The following HCLS1 variants were observed in gnomAD, a reference collection of about 807,000 sequenced individuals.
The protein encoded by HCLS1 is hematopoietic lineage cell-specific protein.
A neutral mutation model predicts 68.6 loss-of-function variants in HCLS1; 44 were observed. The observed-to-expected ratio is 0.64, with a 90% confidence interval of 0.50 to 0.82. HCLS1 has a LOEUF of 0.82. HCLS1 is among the 40% of genes least tolerant of loss of function. The pLI is 0.00. For synonymous variants in HCLS1, 217 were observed against 225.8 expected (o/e 0.96, Z 0.35); for missense variants, 602 against 612.1 (o/e 0.98, Z 0.17).
intron 10 of HCLS1, 81 bp from the exon 11 acceptor site, chr3:121,633,252 G>C: frequency 1.1e-6 from 1 of 908,670 alleles, no homozygotes. Context: ...CTCTCGCTCT[G>C]TAGCCCAGGC....
intron 6 of HCLS1, among the ~76,000 whole-genome samples, chr3:121,642,529 G>A (rs2107467027): frequency 6.6e-6 from 1 of 152,124 alleles, no homozygotes; most frequent in Middle Eastern, 3.4e-3. Flanking sequence ...TGTAATCCCA[G>A]CACTTTGAGA....
At chr3:121,657,784 A>G (rs995857390) in intron 2 of HCLS1, among the ~76,000 whole-genome samples, 2 of 152,100 alleles carry the variant, frequency 1.3e-5, no homozygotes, top group Admixed American at 1.3e-4. Context: ...CTGAGATTGC[A>G]CCACCGTACT....
chr3:121,660,127 G>A (rs1320092432), intron 1 of HCLS1, among the ~76,000 whole-genome samples: 1 of 152,084 alleles, frequency 6.6e-6, no homozygotes, highest in Non-Finnish European at 1.5e-5. Flanking sequence ...AGCCTCTGAG[G>A]GACCATCACA....
At position 121,644,833 on chromosome 3, in the gene HCLS1, C is replaced by G. The variant is rs34440810; in HGVS notation, c.384G>C (p.Arg128Ser). Residue 128 changes from arginine to serine, a missense_variant, in exon 5 of 14, where the codon AGG (arginine) becomes AGC (serine). Transcript: ENST00000314583. The part of the protein sequence containing the change: ...KGFGGKYGVE[R>S]DRADKSAVGF... Reference sequence around the variant, plus strand: ...GGTCACTTACCTTGTCTGCCCTGTCCCTCTCAACTCCGTACTTGCCCCCAA... The same window carrying G: ...GGTCACTTACCTTGTCTGCCCTGTCGCTCTCAACTCCGTACTTGCCCCCAA... 60 of 1,612,606 alleles carry G rather than the reference C, an allele frequency of 3.7e-5. No individual in the cohort carries two copies. Among genetic ancestry groups the G allele is most frequent in the Non-Finnish European group, 4.6e-5 (54 of 1,178,790 alleles).
intron 9 of HCLS1, 117 bp from the exon 10 acceptor site, chr3:121,634,535 C>A: frequency 1.1e-6 from 1 of 938,044 alleles, no homozygotes; most frequent in Non-Finnish European, 1.7e-6. Context: ...ATTTGTGGGA[C>A]AGGATGGTAA....
chr3:121,632,051 T>C (rs1470628380), intron 13 of HCLS1, 50 bp downstream of exon 13: 9 of 1,613,452 alleles, frequency 5.6e-6, no homozygotes, highest in Non-Finnish European at 7.6e-6. Context: ...CCCCCTGTCT[T>C]ATATCAGGGG....
At chr3:121,658,029 G>T in intron 2 of HCLS1, 1 of 482,636 alleles carries the variant, frequency 2.1e-6, no homozygotes, top group Non-Finnish European at 3.8e-6. Context: ...GCCTGCCATG[G>T]CCTGTCAATC....
intron 6 of HCLS1, 30 bp from the exon 7 acceptor site, chr3:121,637,286 C>T (rs776266401): frequency 1.4e-5 from 20 of 1,451,254 alleles, no homozygotes; most frequent in Non-Finnish European, 1.9e-5. Context: ...CATGAGAGCC[C>T]ACCCTTAGGC....
intron 2 of HCLS1, 141 bp from the exon 3 acceptor site, chr3:121,657,493 A>G: frequency 2.8e-6 from 2 of 711,266 alleles, no homozygotes; most frequent in South Asian, 1.7e-5. Flanking sequence ...TCCCCTCTAT[A>G]TTTATCCCAT....
intron 3 of HCLS1, among the ~76,000 whole-genome samples, chr3:121,648,465 T>A (rs1937658836): frequency 6.6e-6 from 1 of 152,166 alleles, no homozygotes; most frequent in South Asian, 2.1e-4. Context: ...TTTGGACACA[T>A]ATAAGGATCC....
intron 3 of HCLS1, chr3:121,656,140 C>G (rs1384490346): frequency 6.6e-6 from 1 of 152,160 alleles, no homozygotes; most frequent in South Asian, 2.1e-4. Context: ...TGAGCCACCA[C>G]GCCCGGCCGA....
At position 121,632,502 on chromosome 3, in the gene HCLS1, T is replaced by C. The variant is rs747153736; in HGVS notation, c.1070A>G (p.Glu357Gly). Residue 357 changes from glutamate to glycine, a missense_variant, in exon 12 of 14, where the codon GAG becomes GGG. Transcript: ENST00000314583. The stretch of plus-strand genomic sequence containing the variant: ...CTCAGGCTCTGCTTCGTACACTGGC[T>C]CTTCCTCCACCTGGAGGCCTTCCAG... ...RTLEGLQVEE[E>G]PVYEAEPEPE... is the part of the protein sequence containing the mutation. 6.2e-7 allele frequency: 1 copy of C among 1,613,992 alleles called. No homozygotes were observed. Among genetic ancestry groups the C allele is most frequent in the Non-Finnish European group, 8.5e-7 (1 of 1,180,024 alleles).
chr3:121,639,530 T>TTTTG (rs1553843832), intron 6 of HCLS1, among the ~76,000 whole-genome samples: 10 of 151,112 alleles, frequency 6.6e-5, no homozygotes, highest in African/African-American at 2.4e-4. Context: ...GATTTTATTT[T>TTTTG]TTGTTGTTGT....
chr3:121,638,628 A>ATT (rs926403093), intron 6 of HCLS1, among the ~76,000 whole-genome samples: 1 of 152,012 alleles, frequency 6.6e-6, no homozygotes, highest in Non-Finnish European at 1.5e-5. Flanking sequence ...GCAAATACAC[A>ATT]TTTTTTTTCC....
At position 121,647,432 on chromosome 3, in the gene HCLS1, T is replaced by G. The variant is rs368720242; in HGVS notation, c.175A>C (p.Asn59His). ...TEHINIHQLR[N>H]KVSEEHDVLR... ...ACATCATGCTCCTCTGATACTTTGTTCCTCAGCTGGTGGATGCTGGAAGAA... is the reference window on the plus strand; with the variant it reads ...ACATCATGCTCCTCTGATACTTTGTGCCTCAGCTGGTGGATGCTGGAAGAA... Residue 59 changes from asparagine to histidine, a missense_variant, in exon 4 of 14, where the codon AAC becomes CAC. Asn to His is a moderately conservative substitution (Grantham distance 68, BLOSUM62 1). Coordinates refer to ENST00000314583, the MANE Select transcript of HCLS1 (RefSeq NM_005335.6). 3 of 1,614,128 alleles carry G rather than the reference T, an allele frequency of 1.9e-6. No homozygotes were observed. In the African/African-American group the frequency reaches 4.0e-5, roughly 22 times the overall value.
chr3:121,637,102 T>G (rs1005496378), intron 7 of HCLS1, 44 bp downstream of exon 7: 1 of 1,316,976 alleles, frequency 7.6e-7, no homozygotes, highest in Non-Finnish European at 1.1e-6. Context: ...AGGAAGGAGA[T>G]CCCTGTGCTA....
chr3:121,632,036 C>T, intron 13 of HCLS1, 54 bp from the exon 14 acceptor site: 1 of 1,613,772 alleles, frequency 6.2e-7, no homozygotes, highest in Non-Finnish European at 8.5e-7. Flanking sequence ...TCTCTTTTCA[C>T]ATGTCCCCCT....
chr3:121,634,160 C>T (rs1424862965), intron 10 of HCLS1, 47 bp downstream of exon 10: 1 of 1,611,682 alleles, frequency 6.2e-7, no homozygotes, highest in African/African-American at 1.3e-5. Flanking sequence ...AGGCTCCTGT[C>T]TGGGCAAGAG....
chr3:121,632,293 A>G (rs766786654), intron 12 of HCLS1, 39 bp downstream of exon 12: 8 of 1,609,160 alleles, frequency 5.0e-6, no homozygotes, highest in Non-Finnish European at 6.0e-6. Flanking sequence ...CCTCCCCTGG[A>G]CATGAGCAAA....
Sources: allele counts gnomAD v4.1 joint callset (sites outside exome capture counted in the v4.1 genomes callset), GRCh38; gene constraint gnomAD v4.1.1; transcripts MANE v1.5; gene names NCBI Gene and HGNC (gene_info 2026-07-23, HGNC 2026-07-21).